The following AKAP6 variants were observed in gnomAD, a reference collection of about 807,000 sequenced individuals.
The protein encoded by AKAP6 is A-kinase anchor protein 6.
A neutral mutation model predicts 188.5 loss-of-function variants in AKAP6; 58 were observed. The ratio of observed to expected loss-of-function variants is 0.31; its 90% CI spans 0.25 to 0.38. The LOEUF is 0.38. AKAP6 is among the 10% of genes least tolerant of loss of function. The probability of loss-of-function intolerance (pLI) is 1.00; values close to 1 mark genes in which losing one functional copy is unlikely to be tolerated. For synonymous variants in AKAP6, 989 were observed against 998.6 expected (o/e 0.99, Z 0.18); for missense variants, 2,710 against 2,740.0 (o/e 0.99, Z 0.24).
chr14:32,627,243 A>G (rs955282773), intron 7 of AKAP6, among the ~76,000 whole-genome samples: 1 of 152,150 alleles, frequency 6.6e-6, no homozygotes, highest in Non-Finnish European at 1.5e-5. Context: ...ATCTCTTACT[A>G]AAGTAAATAA....
At chr14:32,757,416 G>A (rs1281291875) in intron 11 of AKAP6, among the ~76,000 whole-genome samples, 1 of 152,080 alleles carries the variant, frequency 6.6e-6, no homozygotes, top group East Asian at 1.9e-4. Context: ...TTCTGAGAAC[G>A]CCTCACTCCC....
chr14:32,584,577 A>G (rs916674305), intron 5 of AKAP6, among the ~76,000 whole-genome samples: 4 of 152,194 alleles, frequency 2.6e-5, no homozygotes, highest in African/African-American at 7.2e-5. Flanking sequence ...CAATTAAGAT[A>G]GTGAACATAC....
intron 1 of AKAP6, among the ~76,000 whole-genome samples, chr14:32,360,823 AG>A (rs1887635227): frequency 6.6e-6 from 1 of 150,662 alleles, no homozygotes; most frequent in South Asian, 2.1e-4. Flanking sequence ...ACAACTCTGT[AG>A]CCTCAAGCTC....
At position 32,615,286 on chromosome 14, in the gene AKAP6, G is replaced by C. The variant is rs1219363079; in HGVS notation, c.2730+14494G>C. On this transcript the variant is annotated intron_variant, in intron 7 of 13. Coordinates refer to ENST00000280979, the MANE Select transcript of AKAP6 (RefSeq NM_004274.5). ...CATTTTGTCACTATAAATGGAGCTA[G>C]GTCAAGGATAATGCTTAATATGCCA... 6.6e-5 allele frequency among the ~76,000 whole-genome samples: 10 copies of C among 151,842 alleles called. No homozygotes were observed. In the South Asian group the frequency reaches 2.1e-3, roughly 32 times the overall value.
intron 12 of AKAP6, among the ~76,000 whole-genome samples, chr14:32,814,246 C>T (rs1362041880): frequency 6.6e-6 from 1 of 152,188 alleles, no homozygotes; most frequent in Non-Finnish European, 1.5e-5. Context: ...TAAAGTTAAT[C>T]ACTTTAAAGT....
chr14:32,355,855 G>A (rs1887465789), intron 1 of AKAP6, among the ~76,000 whole-genome samples: 1 of 151,862 alleles, frequency 6.6e-6, no homozygotes, highest in South Asian at 2.1e-4. Flanking sequence ...GCTCACTGCA[G>A]CCTCGAACTC....
intron 2 of AKAP6, among the ~76,000 whole-genome samples, chr14:32,510,412 A>G (rs570940692): frequency 1.1e-4 from 10 of 92,106 alleles, no homozygotes; most frequent in East Asian, 6.1e-4. Context: ...ATGTATATAT[A>G]TGTATATATA....
chr14:32,693,460 G>A (rs1332151667), intron 8 of AKAP6: 1 of 152,232 alleles, frequency 6.6e-6, no homozygotes, highest in African/African-American at 2.4e-5. Context: ...ACAGAGCAAA[G>A]AGAATTCTAA....
At chr14:32,623,207 G>A (rs944649440) in intron 7 of AKAP6, among the ~76,000 whole-genome samples, 3 of 152,098 alleles carry the variant, frequency 2.0e-5, no homozygotes, top group African/African-American at 4.8e-5. Flanking sequence ...CTGAAATCTT[G>A]AAATATGTTT....
chr14:32,771,609 G>A (rs1320698000), intron 11 of AKAP6, among the ~76,000 whole-genome samples: 1 of 152,210 alleles, frequency 6.6e-6, no homozygotes, highest in Non-Finnish European at 1.5e-5. Context: ...TAAGGTGAAT[G>A]AAGTCTGTTT....
chr14:32,339,776 C>T (rs1404942577), intron 1 of AKAP6, among the ~76,000 whole-genome samples: 1 of 152,020 alleles, frequency 6.6e-6, no homozygotes, highest in Non-Finnish European at 1.5e-5. Context: ...CACAGGAACA[C>T]AATGATACAG....
intron 1 of AKAP6, among the ~76,000 whole-genome samples, chr14:32,345,223 G>T (rs893967952): frequency 6.6e-6 from 1 of 152,108 alleles, no homozygotes; most frequent in Non-Finnish European, 1.5e-5. Context: ...CTCTAATACC[G>T]ATTCAGTTCA....
Position 32,505,325 on chromosome 14 carries a change from C to G in AKAP6, c.325-30229C>G, listed in dbSNP as rs375690522. 3.3e-5 allele frequency among the ~76,000 whole-genome samples: 5 copies of G among 151,458 alleles called. No homozygotes were observed. In the East Asian group the frequency reaches 5.8e-4, roughly 18 times the overall value. ...AGCAGGCAAGTTCCTTTTCACATAT[C>G]TCGTATCTGCCTTGAATCAGTGAGT... On this transcript the variant is annotated intron_variant, in intron 2 of 13. Coordinates refer to ENST00000280979, the MANE Select transcript of AKAP6 (RefSeq NM_004274.5).
chr14:32,381,795 C>A (rs922184869), intron 1 of AKAP6, among the ~76,000 whole-genome samples: 2 of 152,140 alleles, frequency 1.3e-5, no homozygotes, highest in African/African-American at 2.4e-5. Flanking sequence ...CCTCATCTGG[C>A]CCCAAACCCT....
In AKAP6 at chr14:32,821,663, C is replaced by T; in HGVS notation, c.3850C>T (p.His1284Tyr). Residue 1284 changes from histidine (H) to tyrosine (Y), a missense_variant, in exon 13 of 14, where the codon CAC (histidine) becomes TAC (tyrosine). This residue lies in a region of AKAP6 where 2,473 missense variants were observed against 2,426.1 expected (regional missense o/e 1.02). Coordinates refer to ENST00000280979, the MANE Select transcript of AKAP6 (RefSeq NM_004274.5). ...AAATATTACTGCCCCCTCTAGTCCA[C>T]ACATTTACCAGGTGTACAGCCTCCA... ...ASNITAPSSP[H>Y]IYQVYSLHNV... The T allele has an allele frequency of 6.2e-7, 1 of 1,613,756 alleles. No individual in the cohort carries two copies. The highest frequency in any genetic ancestry group is 8.5e-7 in the Non-Finnish European group (1 of 1,179,914).
At position 32,484,675 on chromosome 14, in the gene AKAP6, G is replaced by A. The variant is rs1372294048; in HGVS notation, c.324+50858G>A. 2 of 213,004 alleles carry A rather than the reference G, an allele frequency of 9.4e-6. 1 individual carries two copies. The highest frequency in any genetic ancestry group is 2.0e-4 in the Admixed American group (2 of 10,098). The allele number at this position is 213,004 out of a possible 1,614,324, so 13.2% of individuals were successfully genotyped here. ...CGTTACCTAGAAGGTTGCCTGGTTGGCCTAGCTCAGCCCAAATAAGGAGAC... is the reference window on the plus strand; with the variant it reads ...CGTTACCTAGAAGGTTGCCTGGTTGACCTAGCTCAGCCCAAATAAGGAGAC... On this transcript the variant is annotated intron_variant, in intron 2 of 13. Transcript: ENST00000280979.
chr14:32,625,216 C>A (rs1346356412), intron 7 of AKAP6, among the ~76,000 whole-genome samples: 1 of 152,048 alleles, frequency 6.6e-6, no homozygotes, highest in Non-Finnish European at 1.5e-5. Context: ...GTGGATTGGG[C>A]TGGAAACTCC....
intron 1 of AKAP6, among the ~76,000 whole-genome samples, chr14:32,346,670 G>A (rs1887078268): frequency 6.6e-6 from 1 of 152,094 alleles, no homozygotes; most frequent in African/African-American, 2.4e-5. Context: ...CACCGCGCCT[G>A]GCTAATTTTT....
At chr14:32,616,895 G>GATTC (rs1357351542) in intron 7 of AKAP6, 4 of 152,100 alleles carry the variant, frequency 2.6e-5, no homozygotes. Flanking sequence ...TTTTTCAGTT[G>GATTC]ATTCAGTTGG....
Sources: gnomAD v4.1 joint callset for allele counts (sites outside exome capture counted in the v4.1 genomes callset) on GRCh38, gnomAD v4.1.1 for gene constraint, gnomAD v4.1.1 regional missense constraint, MANE v1.5 for transcripts, NCBI Gene and HGNC (gene_info 2026-07-23, HGNC 2026-07-21) for gene names.